Variants in GRIK1 observed in about 807,000 individuals in gnomAD.
GRIK1 encodes glutamate ionotropic receptor kainate type subunit 1, also known as glutamate receptor ionotropic, kainate 1.
In GRIK1, 69 loss-of-function variants were observed where a neutral mutation model predicts 105.7. The observed-to-expected ratio is 0.65, with a 90% confidence interval of 0.54 to 0.80. The LOEUF is 0.80. GRIK1 is among the 30% of genes least tolerant of loss of function. GRIK1 has a pLI of 0.00. For synonymous variants in GRIK1, 438 were observed against 431.3 expected, an observed-to-expected ratio of 1.02 and a Z score of -0.19; for missense variants, 1,109 against 1,167.3, an observed-to-expected ratio of 0.95 and a Z score of 0.73.
intron 1 of GRIK1, among the ~76,000 whole-genome samples, chr21:29,747,788 C>T (rs1388743754): frequency 6.6e-6 from 1 of 152,112 alleles, no homozygotes; most frequent in Non-Finnish European, 1.5e-5. Context: ...GAGATTGCAC[C>T]ACTGCACTTC....
chr21:29,854,785 G>T (rs469472), intron 1 of GRIK1, among the ~76,000 whole-genome samples: 1 of 151,970 alleles, frequency 6.6e-6, no homozygotes, highest in Non-Finnish European at 1.5e-5. Context: ...GCAAGGCCCA[G>T]GCTTCTGATC....
chr21:29,858,221 A>T (rs2068524547), intron 1 of GRIK1, among the ~76,000 whole-genome samples: 1 of 152,156 alleles, frequency 6.6e-6, no homozygotes, highest in Non-Finnish European at 1.5e-5. Context: ...TTTAGAGAAA[A>T]TAAAGGTAAT....
intron 4 of GRIK1, among the ~76,000 whole-genome samples, chr21:29,667,402 C>T (rs893084804): frequency 9.9e-5 from 15 of 151,936 alleles, no homozygotes; most frequent in Admixed American, 6.6e-5. Flanking sequence ...AAACAAAAAG[C>T]CATTTTCTTC....
At chr21:29,692,737 A>G (rs531238649) in intron 2 of GRIK1, among the ~76,000 whole-genome samples, 1 of 151,990 alleles carries the variant, frequency 6.6e-6, no homozygotes, top group East Asian at 2.0e-4. Context: ...ATGCCCGGCT[A>G]CTTTTTTTTG....
intron 1 of GRIK1, among the ~76,000 whole-genome samples, chr21:29,873,185 C>A (rs1248417512): frequency 1.3e-5 from 2 of 151,936 alleles, no homozygotes; most frequent in African/African-American, 4.8e-5. Context: ...ATTTGGAAAC[C>A]CAGGTTTGTG....
chr21:29,754,671 G>C (rs1201170208), intron 1 of GRIK1, among the ~76,000 whole-genome samples: 1 of 152,218 alleles, frequency 6.6e-6, no homozygotes, highest in African/African-American at 2.4e-5. Context: ...GGTGTTGCTG[G>C]CAAGGTATTT....
intron 1 of GRIK1, among the ~76,000 whole-genome samples, chr21:29,709,814 C>T (rs1170658639): frequency 6.6e-6 from 1 of 150,546 alleles, no homozygotes; most frequent in Non-Finnish European, 1.5e-5. Flanking sequence ...ATTGGCTCAC[C>T]TTCTCACATT....
intron 1 of GRIK1, among the ~76,000 whole-genome samples, chr21:29,734,734 T>C (rs1402491835): frequency 6.6e-6 from 1 of 152,128 alleles, no homozygotes; most frequent in African/African-American, 2.4e-5. Flanking sequence ...CTTCCTTTCT[T>C]ACTCAGAATT....
intron 15 of GRIK1, among the ~76,000 whole-genome samples, chr21:29,560,534 T>TTCTC (rs749877086): frequency 1.0e-5 from 1 of 98,186 alleles, no homozygotes; most frequent in Non-Finnish European, 1.9e-5. Context: ...CTTTCTTTCT[T>TTCTC]TCTTTCTTTC....
intron 1 of GRIK1, among the ~76,000 whole-genome samples, chr21:29,750,750 G>A (rs2145643796): frequency 6.6e-6 from 1 of 152,240 alleles, no homozygotes; most frequent in South Asian, 2.1e-4. Flanking sequence ...AAGAAAACCT[G>A]TGATACTGAT....
chr21:29,732,755 G>T (rs894274659), intron 1 of GRIK1, among the ~76,000 whole-genome samples: 1 of 152,072 alleles, frequency 6.6e-6, no homozygotes, highest in Non-Finnish European at 1.5e-5. Context: ...TAGTTTATTT[G>T]CCTCACTCGA....
chr21:29,597,583 C>T (rs1311874238), intron 8 of GRIK1: 2 of 440,892 alleles, frequency 4.5e-6, no homozygotes, highest in Non-Finnish European at 4.7e-6. Flanking sequence ...ACATCCCATG[C>T]ACCATCGTGG....
At chr21:29,597,889 G>A (rs1009590263) in intron 8 of GRIK1, among the ~76,000 whole-genome samples, 56 of 151,958 alleles carry the variant, frequency 3.7e-4, no homozygotes, top group Non-Finnish European at 4.6e-4. Flanking sequence ...GCAAGAAAAC[G>A]GAAATGAAAA....
At chr21:29,795,027 AATTTTTTTTTTTTT>A (rs2066519463) in intron 1 of GRIK1, among the ~76,000 whole-genome samples, 1 of 82,152 alleles carries the variant, frequency 1.2e-5, no homozygotes, top group Non-Finnish European at 2.4e-5. Context: ...CTTTGCTCTA[AATTTTTTTTTTTTT>A]TTTTTTTTTT....
At chr21:29,596,630 AC>A in intron 8 of GRIK1, 60 bp from the exon 9 acceptor site, 1 of 1,184,702 alleles carries the variant, frequency 8.4e-7, no homozygotes, top group Non-Finnish European at 1.3e-6. Flanking sequence ...GGAGCGTGAA[AC>A]CCAGAAGGAA....
intron 1 of GRIK1, among the ~76,000 whole-genome samples, chr21:29,893,240 A>G (rs1233773778): frequency 6.6e-6 from 1 of 152,178 alleles, no homozygotes; most frequent in African/African-American, 2.4e-5. Flanking sequence ...CTTAGGTTTG[A>G]ATCCTGGTTT....
At chr21:29,835,268 T>C (rs1045663620) in intron 1 of GRIK1, among the ~76,000 whole-genome samples, 40 of 152,208 alleles carry the variant, frequency 2.6e-4, no homozygotes, top group African/African-American at 9.6e-4. Flanking sequence ...CTGGCATTAA[T>C]CTGCTCACTT....
chr21:29,784,823 A>C (rs1016868031), intron 1 of GRIK1, among the ~76,000 whole-genome samples: 3 of 152,234 alleles, frequency 2.0e-5, no homozygotes, highest in African/African-American at 7.2e-5. Context: ...ATTAAGGTGT[A>C]ATAGAAATGA....
At chr21:29,751,802 C>T (rs1420377020) in intron 1 of GRIK1, among the ~76,000 whole-genome samples, 1 of 152,156 alleles carries the variant, frequency 6.6e-6, no homozygotes, top group Non-Finnish European at 1.5e-5. Flanking sequence ...TTGTTAATGA[C>T]CTTCTAATGT....
Sources: gnomAD v4.1 joint callset for allele counts (sites outside exome capture counted in the v4.1 genomes callset) on GRCh38, gnomAD v4.1.1 for gene constraint, MANE v1.5 for transcripts, NCBI Gene and HGNC (gene_info 2026-07-23, HGNC 2026-07-21) for gene names.